Variants in TENM4 observed in about 807,000 individuals in gnomAD.
TENM4 encodes the protein teneurin transmembrane protein 4.
Under a neutral mutation model 243.3 loss-of-function variants are expected in TENM4, and 82 were observed. That is an observed-to-expected ratio of 0.34 (90% CI 0.28 to 0.40). The LOEUF (loss-of-function observed/expected upper bound fraction) is 0.40, where lower values mean the gene tolerates loss of function less well. Among genes scored for constraint, TENM4 ranks in the 10% least tolerant of loss-of-function variants. TENM4 has a pLI of 1.00. For synonymous variants in TENM4, 1,412 were observed against 1,456.3 expected (o/e 0.97, Z 0.69); for missense variants, 3,138 against 3,673.3 (o/e 0.85, Z 3.77).
chr11:78,947,816 G>A (rs549986297), intron 6 of TENM4, among the ~76,000 whole-genome samples: 3 of 152,162 alleles, frequency 2.0e-5, no homozygotes, highest in Non-Finnish European at 2.9e-5. Context: ...TACTGGATCC[G>A]GTGCCTTGCT....
intron 20 of TENM4, 34 bp downstream of exon 20, chr11:78,738,417 C>T: frequency 6.2e-7 from 1 of 1,603,960 alleles, no homozygotes; most frequent in Non-Finnish European, 8.5e-7. Context: ...AGAGCGGGAC[C>T]TTCACTGTTT....
At chr11:79,314,818 G>T (rs1040604338) in intron 1 of TENM4, among the ~76,000 whole-genome samples, 1 of 152,184 alleles carries the variant, frequency 6.6e-6, no homozygotes, top group African/African-American at 2.4e-5. Context: ...CAGTCACTTA[G>T]AAAACTTTAA....
intron 3 of TENM4, among the ~76,000 whole-genome samples, chr11:79,189,060 C>T (rs187940939): frequency 3.9e-5 from 6 of 152,124 alleles, no homozygotes; most frequent in South Asian, 2.1e-4. Flanking sequence ...TTTTAGGGAA[C>T]GTAAAAACAT....
At chr11:79,005,810 T>C (rs1272840128) in intron 6 of TENM4, among the ~76,000 whole-genome samples, 1 of 152,200 alleles carries the variant, frequency 6.6e-6, no homozygotes, top group Non-Finnish European at 1.5e-5. Flanking sequence ...AAACTATCCT[T>C]GTTTTCAGAT....
intron 2 of TENM4, among the ~76,000 whole-genome samples, chr11:79,276,546 C>T (rs1399797651): frequency 1.3e-5 from 2 of 152,182 alleles, no homozygotes; most frequent in African/African-American, 4.8e-5. Flanking sequence ...CATCTTTCTC[C>T]TAGCGCAGGC....
At position 78,722,403 on chromosome 11, in the gene TENM4, T is replaced by C. The variant is rs1008021718; in HGVS notation, c.3800+265A>G. On this transcript the variant is annotated intron_variant, in intron 24 of 33. Coordinates refer to ENST00000278550, the MANE Select transcript of TENM4 (RefSeq NM_001098816.3). ...AGAAGATTCAGTGGCTTCCAAGGAG[T>C]CTAATTTTTGGCTGCTAGCAGCCTT... Among the ~76,000 whole-genome samples, 4 of 151,458 alleles carry C rather than the reference T, an allele frequency of 2.6e-5. No homozygotes were observed. In the East Asian group the frequency reaches 7.8e-4, roughly 30 times the overall value.
intron 4 of TENM4, among the ~76,000 whole-genome samples, chr11:79,140,173 C>T (rs1862260320): frequency 6.6e-6 from 1 of 152,078 alleles, no homozygotes; most frequent in African/African-American, 2.4e-5. Context: ...CGGCGTGCAA[C>T]ATGGCTTCCT....
intron 6 of TENM4, among the ~76,000 whole-genome samples, chr11:79,029,322 G>A (rs1859166536): frequency 6.6e-6 from 1 of 152,098 alleles, no homozygotes; most frequent in Admixed American, 6.5e-5. Context: ...GGCCTCCTCC[G>A]CCTGCTAGAT....
At chr11:79,410,512 A>G (rs1190616483) in intron 1 of TENM4, among the ~76,000 whole-genome samples, 1 of 152,322 alleles carries the variant, frequency 6.6e-6, no homozygotes, top group Non-Finnish European at 1.5e-5. Flanking sequence ...TCCTCCTACA[A>G]TTGTTTCTAT....
At chr11:78,838,885 G>A (rs61373065) in intron 12 of TENM4, among the ~76,000 whole-genome samples, 4,681 of 152,264 alleles carry the variant, frequency 0.031, 277 homozygotes, top group African/African-American at 0.11. Context: ...CCATCTCACT[G>A]AATGCCACTT....
chr11:78,847,913 A>G (rs1250108847), intron 12 of TENM4, among the ~76,000 whole-genome samples: 1 of 152,188 alleles, frequency 6.6e-6, no homozygotes, highest in Non-Finnish European at 1.5e-5. Context: ...TTGCAAATGC[A>G]CTCAGAGGCA....
intron 1 of TENM4, among the ~76,000 whole-genome samples, chr11:79,382,217 C>T (rs1337131374): frequency 6.6e-6 from 1 of 152,174 alleles, no homozygotes; most frequent in South Asian, 2.1e-4. Flanking sequence ...CAGCCAGCCA[C>T]ACCTGAGCCA....
intron 2 of TENM4, among the ~76,000 whole-genome samples, chr11:79,282,827 A>C (rs1856180574): frequency 1.3e-5 from 2 of 149,802 alleles, no homozygotes; most frequent in South Asian, 2.1e-4. Context: ...AAAAAAAAAA[A>C]CTGCAGGAAA....
intron 27 of TENM4, 92 bp from the exon 28 acceptor site, chr11:78,702,495 G>T (rs888768002): frequency 1.4e-6 from 2 of 1,469,006 alleles, no homozygotes; most frequent in East Asian, 2.3e-5. Context: ...AGTGTCCAAA[G>T]TGGCTTCATA....
At chr11:79,092,665 TCAAGTTAGTA>T (rs1414991051) in intron 4 of TENM4, among the ~76,000 whole-genome samples, 3 of 152,180 alleles carry the variant, frequency 2.0e-5, no homozygotes, top group Admixed American at 6.5e-5. Flanking sequence ...GCTCAATGAG[TCAAGTTAGTA>T]CATTAATAAA....
At chr11:78,743,913 G>T (rs1054694195) in intron 19 of TENM4, among the ~76,000 whole-genome samples, 5 of 152,180 alleles carry the variant, frequency 3.3e-5, no homozygotes, top group African/African-American at 1.2e-4. Context: ...GGTGGCAAAT[G>T]ATAAATCTAG....
chr11:79,094,184 G>A (rs1488526335), intron 4 of TENM4, among the ~76,000 whole-genome samples: 1 of 152,190 alleles, frequency 6.6e-6, no homozygotes, highest in Non-Finnish European at 1.5e-5. Flanking sequence ...CAGCAAGCAT[G>A]GGTTTTGGGG....
At chr11:79,143,902 A>C (rs1384043557) in intron 4 of TENM4, among the ~76,000 whole-genome samples, 1 of 151,842 alleles carries the variant, frequency 6.6e-6, no homozygotes, top group Admixed American at 6.6e-5. Flanking sequence ...AGATTTTCCA[A>C]GTAAAACTCA....
intron 31 of TENM4, 63 bp downstream of exon 31, chr11:78,671,970 T>C: frequency 6.5e-7 from 1 of 1,542,710 alleles, no homozygotes; most frequent in East Asian, 2.3e-5. Flanking sequence ...CAGGCTGGGC[T>C]TGGCCGTGAA....
Sources: allele counts gnomAD v4.1 joint callset (sites outside exome capture counted in the v4.1 genomes callset), GRCh38; gene constraint gnomAD v4.1.1; transcripts MANE v1.5; gene names NCBI Gene and HGNC (gene_info 2026-07-23, HGNC 2026-07-21).